The following CCDC172 variants were observed in gnomAD, a reference collection of about 807,000 sequenced individuals.
The protein encoded by CCDC172 is coiled-coil domain-containing protein 172.
A neutral mutation model predicts 38.0 loss-of-function variants in CCDC172; 30 were observed. That is an observed-to-expected ratio of 0.79 (90% CI 0.59 to 1.07). CCDC172 has a LOEUF of 1.07. CCDC172 is among the 50% of genes least tolerant of loss of function. The pLI is 0.00. For synonymous variants in CCDC172, 78 were observed against 88.3 expected, an observed-to-expected ratio of 0.88 and a Z score of 0.66; for missense variants, 297 against 290.1, an observed-to-expected ratio of 1.02 and a Z score of -0.17.
At position 116,379,443 on chromosome 10, in the gene CCDC172, G is replaced by T; in HGVS notation, c.*85G>T. Reference sequence around the variant, plus strand: ...TGTGATAGATATATGAATGGTACCCGTTACAACGGATCCTTGTGGGAAATA... The same window carrying T: ...TGTGATAGATATATGAATGGTACCCTTTACAACGGATCCTTGTGGGAAATA... On this transcript the variant is annotated 3_prime_UTR_variant, in exon 9 of 9. Coordinates refer to ENST00000333254, the MANE Select transcript of CCDC172 (RefSeq NM_198515.3). The T allele has an allele frequency of 2.5e-6, 2 of 811,860 alleles. No homozygotes were observed. Among genetic ancestry groups the T allele is most frequent in the South Asian group, 2.2e-5 (1 of 46,098 alleles). The allele number at this position is 811,860 out of a possible 1,614,324, so 50.3% of individuals were successfully genotyped here. A position where few individuals can be genotyped will look rare whatever the true frequency, so the allele number is the denominator to read the frequency against.
rs574062084 is a variant in CCDC172, at chr10:116,378,785, A to T, written c.741+275A>T. 5.9e-5 allele frequency among the ~76,000 whole-genome samples: 9 copies of T among 152,280 alleles called. No homozygotes were observed. The South Asian group carries it at 1.9e-3, about 32-fold the overall frequency. ...AAGCAACTTTAGATCTGACCTCATA[A>T]CATTTCCTTGACTGAAACTGTTATT... is the stretch of plus-strand genomic sequence containing the variant. On this transcript the variant is annotated intron_variant, in intron 8 of 8. Coordinates refer to ENST00000333254, the MANE Select transcript of CCDC172 (RefSeq NM_198515.3).
At chr10:116,367,540 C>G (rs188099801) in intron 7 of CCDC172, among the ~76,000 whole-genome samples, 4 of 152,012 alleles carry the variant, frequency 2.6e-5, no homozygotes, top group Non-Finnish European at 5.9e-5. Context: ...GTACAAAAAA[C>G]TTATCTGGGC....
At chr10:116,358,339 GT>G (rs1234066877) in intron 7 of CCDC172, among the ~76,000 whole-genome samples, 2 of 151,948 alleles carry the variant, frequency 1.3e-5, no homozygotes, top group African/African-American at 4.8e-5. Context: ...TGTTACTCTG[GT>G]TTTGTTCTTA....
At position 116,340,662 on chromosome 10, in the gene CCDC172, C is replaced by T. The variant is rs1179511785; in HGVS notation, c.166-72C>T. ...ATATATTTTATACTAGACAAATCTT[C>T]TCTGTTACCTAAGGTACTCTAAAAT... On this transcript the variant is annotated intron_variant, in intron 3 of 8. Coordinates refer to ENST00000333254, the MANE Select transcript of CCDC172 (RefSeq NM_198515.3). The T allele has an allele frequency of 5.5e-6, 4 of 724,006 alleles. No individual in the cohort carries two copies. In the East Asian group the frequency reaches 1.0e-4, roughly 19 times the overall value. 44.8% of individuals were successfully genotyped at this position (724,006 alleles called of 1,614,324 possible). A position where few individuals can be genotyped will look rare whatever the true frequency, so the allele number is the denominator to read the frequency against.
chr10:116,367,004 C>A (rs1004874765), intron 7 of CCDC172, among the ~76,000 whole-genome samples: 2 of 151,850 alleles, frequency 1.3e-5, no homozygotes, highest in African/African-American at 4.8e-5. Flanking sequence ...AGTAATTTGT[C>A]TTTTTCCTAT....
intron 5 of CCDC172, among the ~76,000 whole-genome samples, chr10:116,353,377 A>G (rs1844956591): frequency 6.6e-6 from 1 of 152,224 alleles, no homozygotes; most frequent in South Asian, 2.1e-4. Context: ...AATAAAGTAT[A>G]GATAAATTGG....
chr10:116,347,829 A>G (rs553152432), intron 5 of CCDC172, among the ~76,000 whole-genome samples: 16 of 152,094 alleles, frequency 1.1e-4, no homozygotes, highest in Non-Finnish European at 2.1e-4. Flanking sequence ...GTTTAGTTGC[A>G]TCCTCCACCA....
At chr10:116,350,827 C>A (rs1030596571) in intron 5 of CCDC172, among the ~76,000 whole-genome samples, 1 of 152,070 alleles carries the variant, frequency 6.6e-6, no homozygotes, top group Admixed American at 6.6e-5. Context: ...TTGATTAGAA[C>A]ATTGTGGGTT....
At chr10:116,363,243 G>C (rs538832840) in intron 7 of CCDC172, among the ~76,000 whole-genome samples, 7 of 152,262 alleles carry the variant, frequency 4.6e-5, no homozygotes, top group South Asian at 2.1e-4. Context: ...TGGAGGAAGG[G>C]AGATGCTGGC....
chr10:116,353,097 G>A (rs976803074), intron 5 of CCDC172, among the ~76,000 whole-genome samples: 1 of 152,020 alleles, frequency 6.6e-6, no homozygotes, highest in African/African-American at 2.4e-5. Flanking sequence ...GGAGTCTGAG[G>A]CAGGAGAATG....
rs538733028 is a variant in CCDC172, at chr10:116,362,016, G to A, written c.653+4078G>A. On this transcript the variant is annotated intron_variant, in intron 7 of 8. Transcript: ENST00000333254. ...ATCCTGGCTAACATGGTGAAACCCC[G>A]TCTCTACTAAAAATACAAAAAAAAC... is the stretch of plus-strand genomic sequence containing the variant. 1.6e-4 allele frequency among the ~76,000 whole-genome samples: 25 copies of A among 152,124 alleles called. No homozygotes were observed. In the East Asian group the frequency reaches 1.7e-3, roughly 11 times the overall value.
intron 3 of CCDC172, among the ~76,000 whole-genome samples, chr10:116,338,114 C>A (rs1844751956): frequency 6.6e-6 from 1 of 152,058 alleles, no homozygotes; most frequent in South Asian, 2.1e-4. Context: ...TAATAATAGG[C>A]CTCATCTAGC....
At chr10:116,336,672 G>C (rs17094547) in intron 3 of CCDC172, among the ~76,000 whole-genome samples, 2 of 151,456 alleles carry the variant, frequency 1.3e-5, no homozygotes, top group Non-Finnish European at 2.9e-5. Context: ...AATTTTCTAC[G>C]TAACTCTTAG....
intron 5 of CCDC172, among the ~76,000 whole-genome samples, chr10:116,353,141 C>T (rs1444256693): frequency 6.6e-6 from 1 of 151,392 alleles, no homozygotes; most frequent in African/African-American, 2.4e-5. Context: ...TGCAGTGAGC[C>T]GAGATCGCGC....
At chr10:116,349,672 T>C (rs1356565673) in intron 5 of CCDC172, among the ~76,000 whole-genome samples, 8 of 152,242 alleles carry the variant, frequency 5.3e-5, no homozygotes, top group Non-Finnish European at 1.0e-4. Context: ...CTTAGTTTGT[T>C]CACTCATTCA....
At chr10:116,360,020 C>A (rs1312201414) in intron 7 of CCDC172, among the ~76,000 whole-genome samples, 2 of 152,126 alleles carry the variant, frequency 1.3e-5, no homozygotes, top group Non-Finnish European at 2.9e-5. Flanking sequence ...TGATAATAGT[C>A]TCTGCTTTAA....
At chr10:116,357,502 C>G in intron 6 of CCDC172, 21 bp downstream of exon 6, 5 of 1,484,178 alleles carry the variant, frequency 3.4e-6, no homozygotes, top group Non-Finnish European at 4.5e-6. Context: ...CATGAGTTAG[C>G]TTATTTTGCT....
chr10:116,363,665 A>C (rs1345894002), intron 7 of CCDC172, among the ~76,000 whole-genome samples: 1 of 152,166 alleles, frequency 6.6e-6, no homozygotes, highest in Non-Finnish European at 1.5e-5. Flanking sequence ...GGCTGGGCGC[A>C]GTGAGTCACG....
chr10:116,337,860 A>G (rs999566931), intron 3 of CCDC172, among the ~76,000 whole-genome samples: 2 of 152,192 alleles, frequency 1.3e-5, no homozygotes, highest in Admixed American at 6.5e-5. Context: ...TATATTTCGA[A>G]TATTTACTTA....
Sources: gnomAD v4.1 joint callset for allele counts (sites outside exome capture counted in the v4.1 genomes callset) on GRCh38, gnomAD v4.1.1 for gene constraint, MANE v1.5 for transcripts, NCBI Gene and HGNC (gene_info 2026-07-23, HGNC 2026-07-21) for gene names.